Variants in RFPL1 observed in about 807,000 individuals in gnomAD.
RFPL1 encodes the protein ret finger protein-like 1.
A neutral mutation model predicts 9.6 loss-of-function variants in RFPL1; 6 were observed. That is an observed-to-expected ratio of 0.62 (90% CI 0.34 to 1.23). The LOEUF is 1.23. Ranked by LOEUF, RFPL1 falls within the 50% of genes most tolerant of loss-of-function variation. RFPL1 has a pLI of 0.03. For missense variants in RFPL1, 352 were observed against 398.4 expected, an observed-to-expected ratio of 0.88 and a Z score of 0.99; for synonymous variants, 145 against 149.4, an observed-to-expected ratio of 0.97 and a Z score of 0.22.
At chr22:29,438,884 T>C in exon 1 of RFPL1, 1 of 1,614,004 alleles carries the variant, frequency 6.2e-7, no homozygotes, top group African/African-American at 1.3e-5. Flanking sequence ...TGGACATGGC[T>C]GCACTCTTCC....
At chr22:29,434,333 G>A (rs1013560506), upstream of RFPL1, 8 of 152,254 alleles carry the variant, frequency 5.3e-5, no homozygotes, top group African/African-American at 1.7e-4. Context: ...CTATGAACAA[G>A]AGGGATTTGT....
chr22:29,415,472 C>T, the RFPL1 span, among the ~76,000 whole-genome samples: 2 of 152,244 alleles, frequency 1.3e-5, no homozygotes, highest in East Asian at 1.9e-4. Flanking sequence ...GGGGCAAATG[C>T]CTACCCAGGA....
At chr22:29,431,816 G>C in the RFPL1 span, among the ~76,000 whole-genome samples, 2 of 151,680 alleles carry the variant, frequency 1.3e-5, no homozygotes, top group Non-Finnish European at 2.9e-5. Context: ...TCAGCCTCCT[G>C]AGTAGCTGGG....
At chr22:29,428,745 G>T in the RFPL1 span, among the ~76,000 whole-genome samples, 1 of 152,128 alleles carries the variant, frequency 6.6e-6, no homozygotes, top group Admixed American at 6.5e-5. Flanking sequence ...CTGAACCATT[G>T]GGTCAATGAA....
chr22:29,415,960 T>A, the RFPL1 span, among the ~76,000 whole-genome samples: 1 of 152,164 alleles, frequency 6.6e-6, no homozygotes, highest in African/African-American at 2.4e-5. Flanking sequence ...GTGGTTGTGG[T>A]CAGATTGGAC....
the RFPL1 span, among the ~76,000 whole-genome samples, chr22:29,400,917 C>T: frequency 3.3e-5 from 5 of 152,222 alleles, no homozygotes; most frequent in East Asian, 5.8e-4. Flanking sequence ...GAGGCCATTA[C>T]AGAAATGAGA....
intron 1 of RFPL1, 186 bp downstream of exon 1, chr22:29,439,350 C>A: frequency 1.0e-6 from 1 of 958,122 alleles, no homozygotes; most frequent in Non-Finnish European, 1.5e-6. Context: ...AAAAAAAAGG[C>A]TGGCTGGGCA....
the RFPL1 span, among the ~76,000 whole-genome samples, chr22:29,422,808 T>TAC: frequency 0.33 from 48,774 of 150,008 alleles, 7,956 homozygotes; most frequent in African/African-American, 0.41. Flanking sequence ...AACACACACA[T>TAC]ACACACACAC....
chr22:29,388,469 G>C, the RFPL1 span: 2 of 152,262 alleles, frequency 1.3e-5, no homozygotes, highest in African/African-American at 2.4e-5. Flanking sequence ...GTTCGGCTTG[G>C]CACCAAAATG....
At chr22:29,415,163 T>C in the RFPL1 span, among the ~76,000 whole-genome samples, 19 of 143,378 alleles carry the variant, frequency 1.3e-4, no homozygotes, top group Middle Eastern at 3.6e-3. Context: ...ACCGGTCCTG[T>C]CAAGCAGCTC....
At chr22:29,416,563 T>C in the RFPL1 span, among the ~76,000 whole-genome samples, 1 of 152,168 alleles carries the variant, frequency 6.6e-6, no homozygotes, top group African/African-American at 2.4e-5. Context: ...TAAATGAAAA[T>C]GATCCTTTCT....
At chr22:29,401,489 TA>T in the RFPL1 span, among the ~76,000 whole-genome samples, 1 of 152,228 alleles carries the variant, frequency 6.6e-6, no homozygotes, top group Non-Finnish European at 1.5e-5. Context: ...ATTCTCTGTC[TA>T]GGGGAGAATC....
chr22:29,401,015 T>C, the RFPL1 span, among the ~76,000 whole-genome samples: 2 of 152,356 alleles, frequency 1.3e-5, no homozygotes, highest in Middle Eastern at 3.4e-3. Flanking sequence ...CTTTTCACTT[T>C]TGCAGTCTTT....
chr22:29,438,875 G>A (rs2146365738), exon 1 of RFPL1: 1 of 1,613,922 alleles, frequency 6.2e-7, no homozygotes, highest in Non-Finnish European at 8.5e-7. Context: ...CCCTGGCAGT[G>A]GACATGGCTG....
the RFPL1 span, among the ~76,000 whole-genome samples, chr22:29,388,160 G>C: frequency 3.3e-5 from 5 of 152,244 alleles, no homozygotes; most frequent in Non-Finnish European, 5.9e-5. Flanking sequence ...GGAATTCCTC[G>C]GGGCCTAAGT....
the RFPL1 span, among the ~76,000 whole-genome samples, chr22:29,414,857 G>C: frequency 6.6e-6 from 1 of 151,384 alleles, no homozygotes; most frequent in Non-Finnish European, 1.5e-5. Context: ...AACTGGTGAG[G>C]TGTGCTCACA....
the RFPL1 span, among the ~76,000 whole-genome samples, chr22:29,405,501 G>A: frequency 3.3e-5 from 5 of 152,238 alleles, no homozygotes; most frequent in South Asian, 2.1e-4. Flanking sequence ...GAGCAGGTGA[G>A]TAAATGCAGT....
At chr22:29,410,154 C>T in the RFPL1 span, among the ~76,000 whole-genome samples, 2 of 148,152 alleles carry the variant, frequency 1.3e-5, no homozygotes, top group South Asian at 2.1e-4. Context: ...ATCCTCATGG[C>T]GTTTTCCTTT....
chr22:29,418,024 T>C, the RFPL1 span, among the ~76,000 whole-genome samples: 1 of 149,350 alleles, frequency 6.7e-6, no homozygotes, highest in Admixed American at 6.7e-5. Flanking sequence ...CTCTGCCTCC[T>C]GGGTTCCAGC....
Sources: gnomAD v4.1 joint callset for allele counts (sites outside exome capture counted in the v4.1 genomes callset) on GRCh38, gnomAD v4.1.1 for gene constraint, MANE v1.5 for transcripts, NCBI Gene and HGNC (gene_info 2026-07-23, HGNC 2026-07-21) for gene names.